Variants in TLL2 observed in about 807,000 individuals in gnomAD.
TLL2 encodes the protein tolloid-like protein 2.
TLL2 carries 106 observed loss-of-function variants against 123.0 expected under a neutral mutation model. That is an observed-to-expected ratio of 0.86 (90% CI 0.74 to 1.01). The LOEUF is 1.01. Ranked by LOEUF, TLL2 falls within the 50% of genes least tolerant of loss-of-function variation. The pLI is 0.00. For missense variants in TLL2, 1,332 were observed against 1,336.7 expected (o/e 1.00, Z 0.06); for synonymous variants, 494 against 516.8 (o/e 0.96, Z 0.60).
chr10:96,513,847 CCT>C lies in TLL2; in HGVS notation c.-164_-163del, dbSNP rs777512473. On this transcript the variant is annotated 5_prime_UTR_variant, in exon 1 of 21. Coordinates refer to ENST00000357947, the MANE Select transcript of TLL2 (RefSeq NM_012465.4). ...GCGGAGCAAGCGGAGCGCGGCGCCCCCTGTCTTCGTCGAGGCAACCGGGAAGC... is the reference window on the plus strand; with the variant it reads ...GCGGAGCAAGCGGAGCGCGGCGCCCCGTCTTCGTCGAGGCAACCGGGAAGC... 66 of 778,256 alleles carry C rather than the reference CCT, an allele frequency of 8.5e-5. No homozygotes were observed. Among genetic ancestry groups the C allele is most frequent in the South Asian group, 5.6e-4 (21 of 37,758 alleles). 48.2% of individuals were successfully genotyped at this position (778,256 alleles called of 1,614,324 possible).
chr10:96,379,110 CT>C lies in TLL2; in HGVS notation c.2195-19del. ...GTCCTTATCTGGGGAGATCAATGAA[CT>C]CTTCTAAGAGGAACCGCCAACTTGC... On this transcript the variant is annotated intron_variant, in intron 16 of 20. Transcript: ENST00000357947. 3 of 1,611,798 alleles carry C rather than the reference CT, an allele frequency of 1.9e-6. No individual in the cohort carries two copies. The highest frequency in any genetic ancestry group is 2.5e-6 in the Non-Finnish European group (3 of 1,178,140).
chr10:96,459,687 A>T lies in TLL2; in HGVS notation c.287-13519T>A, dbSNP rs1564911508. 1.9e-3 allele frequency among the ~76,000 whole-genome samples: 97 copies of T among 52,232 alleles called. 2 individuals carry two copies. The highest frequency in any genetic ancestry group is 0.013 in the Middle Eastern group (2 of 150). The allele number at this position is 52,232 out of a possible 152,430, so 34.3% of individuals were successfully genotyped here. The stretch of plus-strand genomic sequence containing the variant: ...CCTGTTTCAAAAAAAAAAAAAAAAA[A>T]AAAAAAAAAAAAAAAAAAATATATA... On this transcript the variant is annotated intron_variant, in intron 2 of 20. Transcript: ENST00000357947.
chr10:96,467,205 T>G (rs1419703671), intron 2 of TLL2, among the ~76,000 whole-genome samples: 1 of 152,178 alleles, frequency 6.6e-6, no homozygotes, highest in Non-Finnish European at 1.5e-5. Flanking sequence ...GGGAGGTATT[T>G]TTTTAGAAAC....
rs1846043531 is a variant in TLL2, at chr10:96,367,840, T to A, written c.*248A>T. On this transcript the variant is annotated 3_prime_UTR_variant, in exon 21 of 21. Transcript: ENST00000357947. Reference sequence around the variant, plus strand: ...ATGGTCAGTGACTTCAATCCTAATCTTTAACACTTTAACAGTTCATGAATG... The same window carrying A: ...ATGGTCAGTGACTTCAATCCTAATCATTAACACTTTAACAGTTCATGAATG... 2 of 443,008 alleles carry A rather than the reference T, an allele frequency of 4.5e-6. No individual in the cohort carries two copies. The highest frequency in any genetic ancestry group is 8.2e-6 in the Non-Finnish European group (2 of 244,792). 27.4% of individuals were successfully genotyped at this position (443,008 alleles called of 1,614,324 possible).
intron 3 of TLL2, among the ~76,000 whole-genome samples, chr10:96,444,333 C>CTT (rs1324010548): frequency 1.3e-5 from 2 of 152,138 alleles, no homozygotes; most frequent in East Asian, 3.9e-4. Context: ...GAACTGAATG[C>CTT]TAATTGATAA....
chr10:96,408,211 T>G (rs7900011), intron 9 of TLL2, among the ~76,000 whole-genome samples: 1 of 152,032 alleles, frequency 6.6e-6, no homozygotes, highest in Non-Finnish European at 1.5e-5. Context: ...GAAATGTTAG[T>G]ACAACTTCCT....
chr10:96,458,838 T>A (rs959032319), intron 2 of TLL2, among the ~76,000 whole-genome samples: 2 of 151,952 alleles, frequency 1.3e-5, no homozygotes, highest in Non-Finnish European at 2.9e-5. Context: ...CTCACACCTA[T>A]AATTCCAGCA....
intron 1 of TLL2, among the ~76,000 whole-genome samples, chr10:96,502,119 G>A (rs1258052262): frequency 6.6e-6 from 1 of 152,164 alleles, no homozygotes; most frequent in Admixed American, 6.5e-5. Flanking sequence ...CCTGGAGGAT[G>A]AGTCAGAGTT....
At chr10:96,451,726 C>T (rs1426284625) in intron 2 of TLL2, among the ~76,000 whole-genome samples, 1 of 152,082 alleles carries the variant, frequency 6.6e-6, no homozygotes, top group Non-Finnish European at 1.5e-5. Context: ...GGTATTATTC[C>T]CATTTTATAT....
chr10:96,388,682 C>G (rs991879961), intron 13 of TLL2, among the ~76,000 whole-genome samples: 1 of 152,312 alleles, frequency 6.6e-6, no homozygotes, highest in Admixed American at 6.5e-5. Flanking sequence ...AAACACAAAC[C>G]CTCCAATCAT....
chr10:96,428,038 G>A (rs1283425241), intron 5 of TLL2, among the ~76,000 whole-genome samples: 1 of 152,076 alleles, frequency 6.6e-6, no homozygotes, highest in Admixed American at 6.5e-5. Flanking sequence ...AAGGTGATCT[G>A]CCCACCTCAG....
At chr10:96,406,193 C>T (rs903757985) in intron 9 of TLL2, among the ~76,000 whole-genome samples, 1 of 152,042 alleles carries the variant, frequency 6.6e-6, no homozygotes, top group South Asian at 2.1e-4. Flanking sequence ...TGGCTCTGGT[C>T]CCCCTGCAGC....
At chr10:96,500,254 G>A (rs905059097) in intron 1 of TLL2, among the ~76,000 whole-genome samples, 1 of 151,852 alleles carries the variant, frequency 6.6e-6, no homozygotes, top group Non-Finnish European at 1.5e-5. Flanking sequence ...AGAGTTCAAG[G>A]CTGCAGTGAG....
At chr10:96,370,650 A>G (rs9664174) in intron 19 of TLL2, among the ~76,000 whole-genome samples, 25,832 of 152,168 alleles carry the variant, frequency 0.17, 2,778 homozygotes, top group African/African-American at 0.3. Flanking sequence ...TCGCTGGGAT[A>G]TGGGTGGATC....
rs137936635 is a variant in TLL2 at position 96,492,517 on chromosome 10, G to A, written c.176-12058C>T. On this transcript the variant is annotated intron_variant, in intron 1 of 20. Transcript: ENST00000357947. ...CGGGCACCTGTAATCCCAGCTATTC[G>A]GGAGGCTGAGGCAGTAAAATTGCTT... is the stretch of plus-strand genomic sequence containing the variant. Among the ~76,000 whole-genome samples the A allele has an allele frequency of 7.1e-3, 1,077 of 152,172 alleles. 16 individuals carry two copies. Among genetic ancestry groups the A allele is most frequent in the African/African-American group, 0.025 (1,026 of 41,516 alleles).
chr10:96,433,808 TCTCA>T (rs1327600746), intron 3 of TLL2, among the ~76,000 whole-genome samples: 7 of 152,128 alleles, frequency 4.6e-5, no homozygotes, highest in African/African-American at 1.7e-4. Flanking sequence ...TGAGACAGAG[TCTCA>T]CTCTATCACC....
intron 3 of TLL2, among the ~76,000 whole-genome samples, chr10:96,436,775 T>C (rs1031942883): frequency 1.3e-5 from 2 of 151,976 alleles, no homozygotes; most frequent in African/African-American, 4.8e-5. Context: ...AACCTCTGCC[T>C]CCTGGGTTCA....
intron 10 of TLL2, among the ~76,000 whole-genome samples, chr10:96,401,424 T>A: frequency 6.6e-6 from 1 of 151,820 alleles, no homozygotes; most frequent in East Asian, 1.9e-4. Flanking sequence ...ACAACTGCAT[T>A]TGGAAACATC....
intron 9 of TLL2, 127 bp downstream of exon 9, chr10:96,410,232 A>G: frequency 1.5e-6 from 1 of 666,822 alleles, no homozygotes; most frequent in Non-Finnish European, 2.6e-6. Flanking sequence ...AAACAGCACC[A>G]TGCCTGGCAT....
Sources: allele counts gnomAD v4.1 joint callset (sites outside exome capture counted in the v4.1 genomes callset), GRCh38; gene constraint gnomAD v4.1.1; transcripts MANE v1.5; gene names NCBI Gene and HGNC (gene_info 2026-07-23, HGNC 2026-07-21).